The following MAU2 variants were observed in gnomAD, a reference collection of about 807,000 sequenced individuals.
MAU2 encodes the protein MAU2 chromatid cohesion factor homolog.
A neutral mutation model predicts 89.1 loss-of-function variants in MAU2; 9 were observed. The ratio of observed to expected loss-of-function variants is 0.10; its 90% CI spans 0.06 to 0.18. MAU2 has a LOEUF of 0.18. Among genes scored for constraint, MAU2 ranks in the 10% least tolerant of loss-of-function variants. The pLI is 1.00. For synonymous variants in MAU2, 357 were observed against 343.4 expected, an observed-to-expected ratio of 1.04 and a Z score of -0.44; for missense variants, 425 against 803.5, an observed-to-expected ratio of 0.53 and a Z score of 5.69.
chr19:19,341,902 C>T (rs2061651266), intron 7 of MAU2, among the ~76,000 whole-genome samples: 1 of 152,174 alleles, frequency 6.6e-6, no homozygotes. Context: ...GTGACAGTCT[C>T]AGCCCTTCGG....
rs548942003 is a variant in MAU2, at chr19:19,350,883, C to G, written c.1548+1447C>G. On this transcript the variant is annotated intron_variant, in intron 16 of 18. Transcript: ENST00000262815. ...CCACTGCACTCCAGCCTGGGCAACA[C>G]AGCAAGACTCCATCTCAAAAAAAAA... Among the ~76,000 whole-genome samples, 23 of 144,648 alleles carry G rather than the reference C, an allele frequency of 1.6e-4. No homozygotes were observed. The South Asian group carries it at 4.4e-3, about 28-fold the overall frequency. The allele number at this position is 144,648 out of a possible 152,430, so 94.9% of individuals were successfully genotyped here. A position where few individuals can be genotyped will look rare whatever the true frequency, so the allele number is the denominator to read the frequency against.
At position 19,327,216 on chromosome 19, in the gene MAU2, G is replaced by T. The variant is rs1419493719; in HGVS notation, c.276+6081G>T. ...AGCTCATTAAAACCTCTGCCTCTCA[G>T]GTTCAGACTATTCTCCTGCCTCAGC... On this transcript the variant is annotated intron_variant, in intron 1 of 18. Transcript: ENST00000262815. Among the ~76,000 whole-genome samples, 8 of 151,254 alleles carry T rather than the reference G, an allele frequency of 5.3e-5. No individual in the cohort carries two copies. The East Asian group carries it at 1.6e-3, about 30-fold the overall frequency.
chr19:19,346,722 G>A (rs1041755382), intron 12 of MAU2, among the ~76,000 whole-genome samples: 4 of 152,126 alleles, frequency 2.6e-5, no homozygotes, highest in East Asian at 1.9e-4. Flanking sequence ...CTTGACGAAC[G>A]ATCTCATTTG....
chr19:19,355,963 G>A lies in MAU2; in HGVS notation c.*181G>A, dbSNP rs543942028. On this transcript the variant is annotated 3_prime_UTR_variant, in exon 19 of 19. Transcript: ENST00000262815. The stretch of plus-strand genomic sequence containing the variant: ...GAGGGGTGGTAGCCGTTCCCACCTC[G>A]CAGCAGGACCCCCAGTGCAGAGGCT... 16 of 702,110 alleles carry A rather than the reference G, an allele frequency of 2.3e-5. No homozygotes were observed. Among genetic ancestry groups the A allele is most frequent in the South Asian group, 1.3e-4 (9 of 67,148 alleles). 43.5% of individuals were successfully genotyped at this position (702,110 alleles called of 1,614,324 possible).
At chr19:19,351,769 C>T (rs1207321936) in intron 16 of MAU2, among the ~76,000 whole-genome samples, 1 of 151,218 alleles carries the variant, frequency 6.6e-6, no homozygotes, top group Admixed American at 6.6e-5. Flanking sequence ...TTGCATGTCT[C>T]TGTCATCCAT....
At chr19:19,343,990 T>A in intron 10 of MAU2, 50 bp downstream of exon 10, 1 of 1,442,178 alleles carries the variant, frequency 6.9e-7, no homozygotes, top group Non-Finnish European at 9.7e-7. Context: ...TTGTTGGGTC[T>A]CAGCAGTGTC....
chr19:19,345,346 G>A lies in MAU2; in HGVS notation c.1198G>A (p.Ala400Thr). The A allele has an allele frequency of 6.2e-7, 1 of 1,613,888 alleles. No homozygotes were observed. Among genetic ancestry groups the A allele is most frequent in the Non-Finnish European group, 8.5e-7 (1 of 1,179,998 alleles). Residue 400 changes from alanine (A) to threonine (T), a missense_variant, in exon 12 of 19, where the codon GCC becomes ACC. Ala to Thr is a moderately conservative substitution (Grantham distance 58). This residue lies in a region of MAU2 where 66 missense variants were observed against 129.1 expected (regional missense o/e 0.51). Transcript: ENST00000262815. The surrounding 1 kb of genome is among the most constrained non-coding windows in gnomAD (Gnocchi z 4.9). ...VSVNCMDNAEAQFTTALRLTN... is the reference protein window; with the variant it reads ...VSVNCMDNAETQFTTALRLTN... ...TGTCAACTGCATGGACAACGCGGAAGCCCAGTTCACCACGGCCCTGCGGGT... is the reference window on the plus strand; with the variant it reads ...TGTCAACTGCATGGACAACGCGGAAACCCAGTTCACCACGGCCCTGCGGGT...
chr19:19,345,943 A>G lies in MAU2; in HGVS notation c.1221+574A>G, dbSNP rs1251487449. Among the ~76,000 whole-genome samples, 2 of 151,964 alleles carry G rather than the reference A, an allele frequency of 1.3e-5. No homozygotes were observed. The highest frequency in any genetic ancestry group is 3.9e-4 in the East Asian group (2 of 5,158). On this transcript the variant is annotated intron_variant, in intron 12 of 18. Transcript: ENST00000262815. The surrounding 1 kb of genome is among the most constrained non-coding windows in gnomAD (Gnocchi z 4.9). Reference sequence around the variant, plus strand: ...CCATTGTGTCCCCACCTCAGCCTCAACCTCCTCACAGGAAATGGAGGCTGT... The same window carrying G: ...CCATTGTGTCCCCACCTCAGCCTCAGCCTCCTCACAGGAAATGGAGGCTGT...
intron 4 of MAU2, among the ~76,000 whole-genome samples, chr19:19,337,958 C>G (rs1454950276): frequency 6.6e-6 from 1 of 152,220 alleles, no homozygotes; most frequent in African/African-American, 2.4e-5. Context: ...GTCCTGGGCT[C>G]CACCCATACT....
intron 3 of MAU2, among the ~76,000 whole-genome samples, chr19:19,336,904 T>C (rs999342479): frequency 3.9e-5 from 6 of 152,136 alleles, no homozygotes; most frequent in Non-Finnish European, 8.8e-5. Flanking sequence ...CTGATTTGAG[T>C]GTTTAGAATT....
intron 1 of MAU2, 118 bp downstream of exon 1, chr19:19,321,253 C>T (rs1599881346): frequency 2.4e-6 from 3 of 1,229,712 alleles, no homozygotes; most frequent in Admixed American, 3.4e-5. Flanking sequence ...GCGCGACCTC[C>T]GTCAAAGCCG....
intron 1 of MAU2, among the ~76,000 whole-genome samples, chr19:19,327,961 C>A (rs1044840818): frequency 6.6e-6 from 1 of 151,852 alleles, no homozygotes; most frequent in Non-Finnish European, 1.5e-5. Flanking sequence ...CTAGAGAATT[C>A]GCAGTGACCA....
chr19:19,332,766 A>G (rs935195509), intron 1 of MAU2, among the ~76,000 whole-genome samples: 1 of 152,160 alleles, frequency 6.6e-6, no homozygotes, highest in African/African-American at 2.4e-5. Flanking sequence ...AGCAGCAGGC[A>G]TATCTGGCTT....
chr19:19,334,557 ACT>A (rs2061581379), intron 1 of MAU2: 10 of 985,014 alleles, frequency 1.0e-5, no homozygotes, highest in South Asian at 4.7e-5. Context: ...CTTCGTGAAT[ACT>A]CTCTGCTGCA....
rs1457972914 is a variant in MAU2 at position 19,356,818 on chromosome 19, G to A, written c.*1036G>A. The A allele has an allele frequency of 6.6e-6, 1 of 152,330 alleles. No homozygotes were observed. Among genetic ancestry groups the A allele is most frequent in the African/African-American group, 2.4e-5 (1 of 41,440 alleles). The allele number at this position is 152,330 out of a possible 1,614,324, so 9.4% of individuals were successfully genotyped here. On this transcript the variant is annotated 3_prime_UTR_variant, in exon 19 of 19. Coordinates refer to ENST00000262815, the MANE Select transcript of MAU2 (RefSeq NM_015329.4). ...CCAGGCCCCAGGGAGCCTCCGCTGG[G>A]CCCAGACAGCAGCGTTTGGTTTTAT...
intron 1 of MAU2, among the ~76,000 whole-genome samples, chr19:19,328,580 C>G (rs2061530393): frequency 6.6e-6 from 1 of 152,068 alleles, no homozygotes; most frequent in Non-Finnish European, 1.5e-5. Context: ...CACCACCATG[C>G]CCGGCTAATT....
At chr19:19,341,609 G>C (rs1257818682) in intron 7 of MAU2, among the ~76,000 whole-genome samples, 1 of 152,182 alleles carries the variant, frequency 6.6e-6, no homozygotes. Context: ...GGTCTGTCCT[G>C]GCCACCCCAC....
intron 9 of MAU2, among the ~76,000 whole-genome samples, chr19:19,343,102 T>C (rs1390716961): frequency 6.6e-6 from 1 of 152,202 alleles, no homozygotes; most frequent in African/African-American, 2.4e-5. Context: ...TGCCCAGTCA[T>C]GCTCAGTTGA....
At chr19:19,335,815 ACCT>A in intron 2 of MAU2, 80 bp downstream of exon 2, 1 of 1,497,586 alleles carries the variant, frequency 6.7e-7, no homozygotes, top group Non-Finnish European at 9.3e-7. Context: ...CTTGAATCCC[ACCT>A]CCCGACATGC....
Sources: gnomAD v4.1 joint callset for allele counts (sites outside exome capture counted in the v4.1 genomes callset) on GRCh38, gnomAD v4.1.1 for gene constraint, gnomAD v4.1.1 regional missense constraint, Gnocchi (gnomAD v3.1) non-coding constraint, MANE v1.5 for transcripts, NCBI Gene and HGNC (gene_info 2026-07-23, HGNC 2026-07-21) for gene names.